Variants in TBC1D31 observed in about 807,000 individuals in gnomAD.
The protein encoded by TBC1D31 is WD repeat domain 67.
TBC1D31 carries 99 observed loss-of-function variants against 132.9 expected under a neutral mutation model. The ratio of observed to expected loss-of-function variants is 0.74; its 90% CI spans 0.63 to 0.88. The LOEUF is 0.88. Ranked by LOEUF, TBC1D31 falls within the 40% of genes least tolerant of loss-of-function variation. The probability of loss-of-function intolerance (pLI) is 0.00; values close to 1 mark genes in which losing one functional copy is unlikely to be tolerated. For missense variants in TBC1D31, 1,134 were observed against 1,256.6 expected (o/e 0.90, Z 1.48); for synonymous variants, 385 against 419.4 (o/e 0.92, Z 1.00).
At position 123,100,841 on chromosome 8, in the gene TBC1D31, G is replaced by C; in HGVS notation, c.866G>C (p.Arg289Thr). The C allele has an allele frequency of 6.2e-7, 1 of 1,613,808 alleles. No homozygotes were observed. Among genetic ancestry groups the C allele is most frequent in the Non-Finnish European group, 8.5e-7 (1 of 1,179,856 alleles). ...GTACTAAGTCAAGATGGTATTATGA[G>C]ATTTATCAATATGCAGACTTGTAAA... ...LGVLSQDGIM[R>T]FINMQTCKLL... The change falls in exon 7 of 22, where the codon AGA (arginine) becomes ACA (threonine). Residue 289 changes from arginine (R) to threonine (T), a missense_variant. Physicochemically the swap from Arg to Thr is moderately conservative, Grantham distance 71. Coordinates refer to ENST00000287380, the MANE Select transcript of TBC1D31 (RefSeq NM_145647.4).
chr8:123,145,219 T>A (rs1251193347), intron 20 of TBC1D31, among the ~76,000 whole-genome samples: 1 of 152,204 alleles, frequency 6.6e-6, no homozygotes, highest in Non-Finnish European at 1.5e-5. Context: ...CCACTGTGCC[T>A]GGCCAGTGAA....
intron 4 of TBC1D31, among the ~76,000 whole-genome samples, chr8:123,091,525 T>C (rs533201261): frequency 6.6e-6 from 1 of 152,226 alleles, no homozygotes; most frequent in Non-Finnish European, 1.5e-5. Flanking sequence ...CTACCACAGA[T>C]TGTCTTTAGC....
At chr8:123,156,877 G>A (rs940180676), downstream of TBC1D31, among the ~76,000 whole-genome samples, 1 of 152,198 alleles carries the variant, frequency 6.6e-6, no homozygotes, top group African/African-American at 2.4e-5. Flanking sequence ...GAACTCGGCC[G>A]CGCTCGCAGC....
intron 14 of TBC1D31, 65 bp from the exon 15 acceptor site, chr8:123,129,001 A>G: frequency 8.9e-7 from 1 of 1,129,254 alleles, no homozygotes; most frequent in South Asian, 2.0e-5. Flanking sequence ...ATCGGTATAC[A>G]TTTTGTGTTT....
At chr8:123,138,434 A>T (rs911779847) in intron 17 of TBC1D31, among the ~76,000 whole-genome samples, 2 of 152,204 alleles carry the variant, frequency 1.3e-5, no homozygotes, top group Admixed American at 1.3e-4. Context: ...AAGTAGAAAA[A>T]ATCCCTCGAG....
intron 1 of TBC1D31, among the ~76,000 whole-genome samples, chr8:123,074,124 C>G (rs1055393448): frequency 1.3e-5 from 2 of 151,824 alleles, no homozygotes; most frequent in Admixed American, 1.3e-4. Context: ...CTCCGCCTCC[C>G]GGGTTCAAGC....
chr8:123,163,364 C>CT, the TBC1D31 span, among the ~76,000 whole-genome samples: 22,279 of 108,982 alleles, frequency 0.2, 3,318 homozygotes, highest in South Asian at 0.28. Context: ...TCACTTTAAC[C>CT]TTTTTTTTTT....
At chr8:123,154,505 TC>T (rs1215815551), downstream of TBC1D31, among the ~76,000 whole-genome samples, 1 of 152,026 alleles carries the variant, frequency 6.6e-6, no homozygotes, top group Non-Finnish European at 1.5e-5. Flanking sequence ...AGGAAACAAA[TC>T]TGGGCACAGA....
chr8:123,105,438 C>A lies in TBC1D31; in HGVS notation c.1183C>A (p.Leu395Met). 6.2e-7 allele frequency: 1 copy of A among 1,609,252 alleles called. No homozygotes were observed. The highest frequency in any genetic ancestry group is 8.5e-7 in the Non-Finnish European group (1 of 1,177,836). Residue 395 changes from leucine to methionine, a missense_variant, in exon 8 of 22, where the codon CTG (leucine) becomes ATG (methionine). By Grantham distance (15) the Leu-to-Met change is conservative (BLOSUM62 2). Coordinates refer to ENST00000287380, the MANE Select transcript of TBC1D31 (RefSeq NM_145647.4). ...KMQTRILKQDLTGDFESKKNE... is the reference protein window; with the variant it reads ...KMQTRILKQDMTGDFESKKNE... The stretch of plus-strand genomic sequence containing the variant: ...GCAAACTAGAATATTAAAACAAGAC[C>A]TGACTGGTGATTTTGAAAGTAAAAA...
chr8:123,118,822 T>G (rs7834180), intron 10 of TBC1D31, among the ~76,000 whole-genome samples: 42,816 of 152,116 alleles, frequency 0.28, 6,199 homozygotes, highest in Admixed American at 0.35. Context: ...AGCCACAAAC[T>G]CCTGGACCTA....
chr8:123,136,445 T>C (rs1328400334), intron 17 of TBC1D31, among the ~76,000 whole-genome samples: 2 of 152,196 alleles, frequency 1.3e-5, no homozygotes, highest in South Asian at 4.1e-4. Context: ...ATCTGTGGCA[T>C]TCCTGCAACA....
chr8:123,103,484 G>A (rs1817643784), intron 7 of TBC1D31: 1 of 151,476 alleles, frequency 6.6e-6, no homozygotes, highest in African/African-American at 2.4e-5. Context: ...GTGCAGTGGT[G>A]TGATCTTGGC....
At chr8:123,125,178 T>C (rs1819913426) in intron 11 of TBC1D31, among the ~76,000 whole-genome samples, 1 of 152,202 alleles carries the variant, frequency 6.6e-6, no homozygotes, top group African/African-American at 2.4e-5. Context: ...AGGATGAATC[T>C]ACAACTCAAT....
downstream of TBC1D31, among the ~76,000 whole-genome samples, chr8:123,153,992 G>T (rs974932093): frequency 8.5e-5 from 13 of 152,218 alleles, no homozygotes; most frequent in African/African-American, 3.1e-4. Flanking sequence ...TTATTAAGTT[G>T]GTTAGGGGCC....
chr8:123,076,009 G>T lies in TBC1D31; in HGVS notation c.78-1102G>T, dbSNP rs371097039. ...AATAACATGTCTAAAAGATAGAAAA[G>T]TAGAAAGGGGAAAAAAATTAACCAT... On this transcript the variant is annotated intron_variant, in intron 1 of 21. Coordinates refer to ENST00000287380, the MANE Select transcript of TBC1D31 (RefSeq NM_145647.4). Among the ~76,000 whole-genome samples the T allele has an allele frequency of 7.9e-5, 12 of 152,304 alleles. No homozygotes were observed. The South Asian group carries it at 1.9e-3, about 24-fold the overall frequency.
chr8:123,128,297 G>T lies in TBC1D31; in HGVS notation c.1901G>T (p.Arg634Leu). 5 of 1,587,324 alleles carry T rather than the reference G, an allele frequency of 3.1e-6. No individual in the cohort carries two copies. Among genetic ancestry groups the T allele is most frequent in the South Asian group, 2.3e-5 (2 of 86,702 alleles). Residue 634 changes from arginine to leucine, a missense_variant, in exon 14 of 22, where the codon CGG becomes CTG. Physicochemically the swap from Arg to Leu is moderately radical, Grantham distance 102. Coordinates refer to ENST00000287380, the MANE Select transcript of TBC1D31 (RefSeq NM_145647.4). ...TTCTTACAGTTTTTTTTTCACCATC[G>T]GAATAACCTGGATATAAATGTTGTG... ...KDDFEFFFHH[R>L]NNLDINVVIR...
chr8:123,135,342 C>T (rs556900023), intron 17 of TBC1D31, among the ~76,000 whole-genome samples: 139 of 152,158 alleles, frequency 9.1e-4, no homozygotes, highest in Non-Finnish European at 1.7e-3. Context: ...TTTTGTTACT[C>T]ATTTAGTGTT....
chr8:123,121,042 C>G (rs1433213933), intron 11 of TBC1D31, among the ~76,000 whole-genome samples: 2 of 150,808 alleles, frequency 1.3e-5, no homozygotes, highest in African/African-American at 4.9e-5. Context: ...CAACCTCCAC[C>G]TCCTGAGTTC....
intron 18 of TBC1D31, among the ~76,000 whole-genome samples, chr8:123,141,808 T>C (rs1300135094): frequency 6.8e-6 from 1 of 147,056 alleles, no homozygotes; most frequent in African/African-American, 2.5e-5. Flanking sequence ...GATAAGTTCT[T>C]AACCTTGGCT....
Sources: gnomAD v4.1 joint callset for allele counts (sites outside exome capture counted in the v4.1 genomes callset) on GRCh38, gnomAD v4.1.1 for gene constraint, MANE v1.5 for transcripts, NCBI Gene and HGNC (gene_info 2026-07-23, HGNC 2026-07-21) for gene names.